The following LRP1B variants were observed in gnomAD, a reference collection of about 807,000 sequenced individuals.
LRP1B encodes the protein low-density lipoprotein receptor-related protein 1B.
LRP1B carries 217 observed loss-of-function variants against 556.6 expected under a neutral mutation model. That is an observed-to-expected ratio of 0.39 (90% confidence interval 0.35 to 0.44). The LOEUF (loss-of-function observed/expected upper bound fraction) is 0.44. Among genes scored for constraint, LRP1B ranks in the 20% least tolerant of loss-of-function variants. The pLI, the probability that LRP1B is intolerant of heterozygous loss-of-function variation, is 1.00. For missense variants in LRP1B, 5,053 were observed against 5,620.8 expected, an observed-to-expected ratio of 0.90 and a Z score of 3.23; for synonymous variants, 2,047 against 1,865.8, an observed-to-expected ratio of 1.10 and a Z score of -2.50.
rs1249571065 is a variant in LRP1B, at chr2:141,918,666, G to A, written c.83-108265C>T. Among the ~76,000 whole-genome samples, 3 of 151,964 alleles carry A rather than the reference G, an allele frequency of 2.0e-5. No homozygotes were observed. In the East Asian group the frequency reaches 5.8e-4, roughly 29 times the overall value. On this transcript the variant is annotated intron_variant, in intron 1 of 90. Transcript: ENST00000389484. Reference sequence around the variant, plus strand: ...GTGAATTAGTTTCTTTTCGTGAATTGGTTGTTCCACTTTAACTGTTGGCCT... The same window carrying A: ...GTGAATTAGTTTCTTTTCGTGAATTAGTTGTTCCACTTTAACTGTTGGCCT...
intron 41 of LRP1B, among the ~76,000 whole-genome samples, chr2:140,677,149 A>T (rs1685698733): frequency 6.6e-6 from 1 of 152,228 alleles, no homozygotes; most frequent in Non-Finnish European, 1.5e-5. Flanking sequence ...GATTGCAAGG[A>T]GAAATAAATT....
intron 35 of LRP1B, among the ~76,000 whole-genome samples, chr2:140,748,426 T>C (rs1688420954): frequency 1.0e-5 from 1 of 98,216 alleles, no homozygotes; most frequent in Admixed American, 1.4e-4. Context: ...TAATATATAT[T>C]ATATTTATAT....
Position 141,952,868 on chromosome 2 carries a change from T to C in LRP1B, c.83-142467A>G, listed in dbSNP as rs543983530. Reference sequence around the variant, plus strand: ...TTTTATGTTTCAATGAAAGCCTTCATGCTATAAAGTAACACTCTCAAAGAA... The same window carrying C: ...TTTTATGTTTCAATGAAAGCCTTCACGCTATAAAGTAACACTCTCAAAGAA... On this transcript the variant is annotated intron_variant, in intron 1 of 90. Transcript: ENST00000389484. Among the ~76,000 whole-genome samples the C allele has an allele frequency of 2.6e-5, 4 of 152,252 alleles. No homozygotes were observed. In the South Asian group the frequency reaches 8.3e-4, roughly 32 times the overall value.
intron 86 of LRP1B, among the ~76,000 whole-genome samples, chr2:140,268,263 A>G (rs1446657832): frequency 6.6e-6 from 1 of 151,882 alleles, no homozygotes; most frequent in Non-Finnish European, 1.5e-5. Flanking sequence ...TCTGGTTGCA[A>G]TGCCCAAGTT....
intron 83 of LRP1B, among the ~76,000 whole-genome samples, chr2:140,299,554 G>A (rs958103273): frequency 6.6e-6 from 1 of 152,012 alleles, no homozygotes; most frequent in Non-Finnish European, 1.5e-5. Flanking sequence ...CTAACTTTTA[G>A]TAGATATTTT....
rs145352944 is a variant in LRP1B, at chr2:140,412,318, T to C, written c.10415-26309A>G. Among the ~76,000 whole-genome samples the C allele has an allele frequency of 2.3e-4, 35 of 152,256 alleles. 3 individuals are homozygous for C. Among genetic ancestry groups the C allele is most frequent in the African/African-American group, 6.7e-4 (28 of 41,590 alleles). On this transcript the variant is annotated intron_variant, in intron 66 of 90. Transcript: ENST00000389484. ...AGTTGACAATTTTCTAGCCTTAAGATGGCTTTGTACAGAACCATTTGGGTA... is the reference window on the plus strand; with the variant it reads ...AGTTGACAATTTTCTAGCCTTAAGACGGCTTTGTACAGAACCATTTGGGTA...
rs74397352 is a variant in LRP1B, at chr2:140,988,218, A to T, written c.2770+1314T>A. Among the ~76,000 whole-genome samples, 1,157 of 152,194 alleles carry T rather than the reference A, an allele frequency of 7.6e-3. 26 individuals are homozygous for T. Among genetic ancestry groups the T allele is most frequent in the African/African-American group, 0.027 (1,107 of 41,546 alleles). On this transcript the variant is annotated intron_variant, in intron 17 of 90. Coordinates refer to ENST00000389484, the MANE Select transcript of LRP1B (RefSeq NM_018557.3). ...TAGGCAAGTTCCCTCTGCCATGCCCATCTATAAGATGGATAGCTTGGAGGG... is the reference window on the plus strand; with the variant it reads ...TAGGCAAGTTCCCTCTGCCATGCCCTTCTATAAGATGGATAGCTTGGAGGG...
chr2:140,844,248 G>C (rs1692207911), intron 29 of LRP1B, among the ~76,000 whole-genome samples: 1 of 152,006 alleles, frequency 6.6e-6, no homozygotes, highest in East Asian at 1.9e-4. Flanking sequence ...ATTTTTAGTA[G>C]AGGTTGGGTT....
chr2:141,911,975 G>T (rs956976139), intron 1 of LRP1B, among the ~76,000 whole-genome samples: 8 of 152,164 alleles, frequency 5.3e-5, no homozygotes, highest in African/African-American at 1.9e-4. Flanking sequence ...GCAATTGTCA[G>T]TATTCTAATG....
intron 1 of LRP1B, among the ~76,000 whole-genome samples, chr2:141,894,054 T>C (rs920109): frequency 0.86 from 131,471 of 151,990 alleles, 57,013 homozygotes; most frequent in East Asian, 1. Flanking sequence ...ATAATTAGAC[T>C]TTTATACCTT....
At chr2:140,332,773 C>T (rs1489536799) in intron 79 of LRP1B, among the ~76,000 whole-genome samples, 1 of 152,090 alleles carries the variant, frequency 6.6e-6, no homozygotes, top group Non-Finnish European at 1.5e-5. Flanking sequence ...CTGCATACAA[C>T]TACCGTCATA....
At chr2:140,898,552 G>A (rs570468058) in intron 23 of LRP1B, 174 of 321,504 alleles carry the variant, frequency 5.4e-4, no homozygotes, top group Non-Finnish European at 8.9e-4. Context: ...CAGGACCATC[G>A]ATTTGTCCAA....
At chr2:140,504,056 G>A (rs1689306028) in intron 53 of LRP1B, among the ~76,000 whole-genome samples, 1 of 152,012 alleles carries the variant, frequency 6.6e-6, no homozygotes, top group Non-Finnish European at 1.5e-5. Flanking sequence ...GTCTTATCCA[G>A]TCCAATAACA....
At chr2:140,773,553 G>A (rs55695452) in intron 33 of LRP1B, among the ~76,000 whole-genome samples, 6,853 of 151,606 alleles carry the variant, frequency 0.045, 211 homozygotes, top group Non-Finnish European at 0.07. Context: ...GGACCTTCTG[G>A]GTCTGGGGCT....
At chr2:140,251,291 G>A (rs192639473) in intron 86 of LRP1B, among the ~76,000 whole-genome samples, 13 of 151,666 alleles carry the variant, frequency 8.6e-5, no homozygotes, top group East Asian at 3.9e-4. Flanking sequence ...CATATAAACC[G>A]TCTAAAATAA....
At chr2:141,944,371 C>G (rs1700897215) in intron 1 of LRP1B, among the ~76,000 whole-genome samples, 1 of 152,188 alleles carries the variant, frequency 6.6e-6, no homozygotes, top group Admixed American at 6.5e-5. Context: ...CAGACCTTGA[C>G]AATACTACCT....
At chr2:141,034,765 T>G (rs966312189) in intron 11 of LRP1B, among the ~76,000 whole-genome samples, 7 of 148,984 alleles carry the variant, frequency 4.7e-5, no homozygotes, top group Non-Finnish European at 7.4e-5. Flanking sequence ...GGTGGGACTG[T>G]AAACTAGTTC....
At chr2:141,855,888 TATTA>T (rs1364428391) in intron 1 of LRP1B, among the ~76,000 whole-genome samples, 4 of 152,222 alleles carry the variant, frequency 2.6e-5, no homozygotes, top group Non-Finnish European at 4.4e-5. Context: ...TCACAACCTG[TATTA>T]ATTAATTCAT....
chr2:140,929,309 T>C (rs912699257), intron 20 of LRP1B, among the ~76,000 whole-genome samples: 1 of 152,094 alleles, frequency 6.6e-6, no homozygotes, highest in Admixed American at 6.6e-5. Context: ...TGTCCTGGAC[T>C]TGGGGATTTC....
Sources: allele counts gnomAD v4.1 joint callset (sites outside exome capture counted in the v4.1 genomes callset), GRCh38; gene constraint gnomAD v4.1.1; transcripts MANE v1.5; gene names NCBI Gene and HGNC (gene_info 2026-07-23, HGNC 2026-07-21).